CRBN: variants seen among roughly 807,000 people sequenced by gnomAD.
CRBN encodes cereblon.
A neutral mutation model predicts 62.2 loss-of-function variants in CRBN; 53 were observed. The observed-to-expected ratio is 0.85, with a 90% CI of 0.68 to 1.07. CRBN has a LOEUF of 1.07. Ranked by LOEUF, CRBN falls within the 50% of genes least tolerant of loss-of-function variation. CRBN has a pLI of 0.00. For synonymous variants in CRBN, 208 were observed against 176.1 expected (o/e 1.18, Z -1.43); for missense variants, 616 against 531.1 (o/e 1.16, Z -1.57).
Position 3,174,165 on chromosome 3 carries a change from G to A in CRBN, c.271C>T (p.Leu91=). 6.2e-7 allele frequency: 1 copy of A among 1,614,100 alleles called. No individual in the cohort carries two copies. The highest frequency in any genetic ancestry group is 8.5e-7 in the Non-Finnish European group (1 of 1,179,982). The change falls in exon 3 of 11, where the codon CTG becomes TTG. Residue 91 remains leucine (L), a synonymous_variant. Transcript: ENST00000231948. The part of the protein sequence containing the change: ...IPVLPQVMMI[L]IPGQTLPLQL... ...AGAGGTAATGTCTGTCCGGGAATCA[G>A]GATCATCATCACTTGTGGAAGAACT...
intron 4 of CRBN, 114 bp downstream of exon 4, chr3:3,172,662 G>T (rs776001483): frequency 1.8e-6 from 2 of 1,089,078 alleles, no homozygotes; most frequent in South Asian, 2.5e-5. Flanking sequence ...AAGGGAAAGA[G>T]AACAACTAGT....
chr3:3,159,603 C>G (rs1707053554), intron 5 of CRBN, among the ~76,000 whole-genome samples: 1 of 152,216 alleles, frequency 6.6e-6, no homozygotes, highest in Non-Finnish European at 1.5e-5. Flanking sequence ...TGCCCATGAG[C>G]AAGCTACAGT....
intron 5 of CRBN, among the ~76,000 whole-genome samples, chr3:3,160,539 G>A (rs1212921064): frequency 2.0e-5 from 3 of 152,184 alleles, no homozygotes; most frequent in African/African-American, 7.2e-5. Context: ...CCTGGGAAAT[G>A]ACCAGTCTTT....
At chr3:3,162,241 G>A (rs931957012) in intron 5 of CRBN, among the ~76,000 whole-genome samples, 4 of 152,174 alleles carry the variant, frequency 2.6e-5, no homozygotes, top group African/African-American at 9.6e-5. Flanking sequence ...TGAATAAGCA[G>A]ATGGTCTGGG....
At chr3:3,164,174 T>C (rs1479192786) in intron 5 of CRBN, among the ~76,000 whole-genome samples, 1 of 152,232 alleles carries the variant, frequency 6.6e-6, no homozygotes, top group African/African-American at 2.4e-5. Context: ...TTAATAACTT[T>C]ACAATGGCTT....
intron 5 of CRBN, 166 bp from the exon 6 acceptor site, chr3:3,156,447 A>G: frequency 1.6e-6 from 1 of 632,930 alleles, no homozygotes; most frequent in South Asian, 2.0e-5. Context: ...TGAAGTGTGA[A>G]ATCATGCTTC....
intron 5 of CRBN, among the ~76,000 whole-genome samples, chr3:3,163,274 C>T (rs116577551): frequency 3.3e-5 from 5 of 152,170 alleles, no homozygotes; most frequent in African/African-American, 1.2e-4. Context: ...CACCTAAAAC[C>T]TTTTAGGCCT....
chr3:3,154,739 T>A lies in CRBN; in HGVS notation c.835+8A>T. The A allele has an allele frequency of 1.3e-6, 2 of 1,537,930 alleles. No homozygotes were observed. Among genetic ancestry groups the A allele is most frequent in the Non-Finnish European group, 9.0e-7 (1 of 1,110,946 alleles). On this transcript the variant is annotated splice_region_variant and intron_variant, in intron 7 of 10. Coordinates refer to ENST00000231948, the MANE Select transcript of CRBN (RefSeq NM_016302.4). ...CCAGGCTCCAGGCAGGAAACTAACT[T>A]TTCATACCTATTGGATTTGAAGGAA...
chr3:3,175,741 C>G (rs1436271871), intron 1 of CRBN, among the ~76,000 whole-genome samples: 1 of 152,014 alleles, frequency 6.6e-6, no homozygotes, highest in Non-Finnish European at 1.5e-5. Context: ...GGTTTTCAGA[C>G]TTTGCTTGTT....
intron 5 of CRBN, among the ~76,000 whole-genome samples, chr3:3,164,210 T>G (rs889865259): frequency 5.3e-5 from 8 of 152,084 alleles, no homozygotes; most frequent in African/African-American, 1.7e-4. Flanking sequence ...AAAAGAAGAG[T>G]AGTCAAGCAT....
rs1216314000 is a variant in CRBN, at chr3:3,167,639, G to T, written c.682C>A (p.Gln228Lys). 6.2e-7 allele frequency: 1 copy of T among 1,612,048 alleles called. No homozygotes were observed. The highest frequency in any genetic ancestry group is 1.7e-5 in the Admixed American group (1 of 59,902). ...ATAAAAAATTAGTTTCTCACCTTCT[G>T]GTATTTCTGCCACCATTTATATGAA... ...QCSYKWWQKY[Q>K]KRKFHCANLT... The change falls in exon 5 of 11, where the codon CAG becomes AAG. Residue 228 changes from glutamine (Q) to lysine (K), a missense_variant. Gln to Lys is a moderately conservative substitution (Grantham distance 53). Transcript: ENST00000231948.
At chr3:3,177,881 A>G (rs1438377455) in intron 1 of CRBN, among the ~76,000 whole-genome samples, 1 of 152,208 alleles carries the variant, frequency 6.6e-6, no homozygotes, top group African/African-American at 2.4e-5. Context: ...CTCGTACTAC[A>G]TGGAATTATG....
At chr3:3,157,050 G>A (rs1023633597) in intron 5 of CRBN, among the ~76,000 whole-genome samples, 1 of 152,140 alleles carries the variant, frequency 6.6e-6, no homozygotes, top group Non-Finnish European at 1.5e-5. Flanking sequence ...TGCAATACCA[G>A]TGAGAATGGA....
chr3:3,151,139 A>C (rs1240018806), intron 10 of CRBN, 94 bp from the exon 11 acceptor site: 1 of 1,280,298 alleles, frequency 7.8e-7, no homozygotes. Flanking sequence ...TTAGAGGCAA[A>C]TTCTAAGGAT....
At chr3:3,179,694 T>G (rs1390543350), upstream of CRBN, 3 of 1,613,044 alleles carry the variant, frequency 1.9e-6, no homozygotes, top group South Asian at 3.3e-5. Flanking sequence ...CCATGTCTGT[T>G]TACCCGCAAA....
intron 5 of CRBN, among the ~76,000 whole-genome samples, chr3:3,156,954 T>C (rs551885614): frequency 7.4e-4 from 112 of 152,176 alleles, no homozygotes; most frequent in African/African-American, 2.2e-3. Context: ...GGGGGAGAAA[T>C]GTGAATTGTA....
intron 4 of CRBN, among the ~76,000 whole-genome samples, chr3:3,170,258 G>A (rs535049771): frequency 2.6e-5 from 4 of 152,258 alleles, no homozygotes; most frequent in African/African-American, 9.6e-5. Flanking sequence ...TGAAATTACA[G>A]GTATGAGTCA....
At chr3:3,159,525 G>C (rs1028024237) in intron 5 of CRBN, among the ~76,000 whole-genome samples, 1 of 152,172 alleles carries the variant, frequency 6.6e-6, no homozygotes, top group African/African-American at 2.4e-5. Flanking sequence ...CAAGTATAAA[G>C]AGAATAAAAT....
At chr3:3,154,318 C>T (rs1485590158) in intron 7 of CRBN, 1 of 517,036 alleles carries the variant, frequency 1.9e-6, no homozygotes, top group Non-Finnish European at 3.5e-6. Flanking sequence ...AACTCAAATC[C>T]ATGTTAGAAG....
Sources: gnomAD v4.1 joint callset for allele counts (sites outside exome capture counted in the v4.1 genomes callset) on GRCh38, gnomAD v4.1.1 for gene constraint, MANE v1.5 for transcripts, NCBI Gene and HGNC (gene_info 2026-07-23, HGNC 2026-07-21) for gene names.